Variants in TOM1L2 observed in about 807,000 individuals in gnomAD.
The protein encoded by TOM1L2 is TOM1-like protein 2.
TOM1L2 carries 31 observed loss-of-function variants against 67.9 expected under a neutral mutation model. That is an observed-to-expected ratio of 0.46 (90% CI 0.34 to 0.62). The LOEUF is 0.62. TOM1L2 is among the 20% of genes least tolerant of loss of function. The pLI is 0.01. For synonymous variants in TOM1L2, 256 were observed against 254.0 expected, an observed-to-expected ratio of 1.01 and a Z score of -0.07; for missense variants, 606 against 663.5, an observed-to-expected ratio of 0.91 and a Z score of 0.95.
rs7218054 is a variant in TOM1L2 at position 17,872,132 on chromosome 17, A to G, written c.778-2659T>C. The G allele has an allele frequency of 5.1e-3, 3,943 of 771,378 alleles. 136 individuals are homozygous for G. The African/African-American group carries it at 0.068, about 13-fold the overall frequency. 47.8% of individuals were successfully genotyped at this position (771,378 alleles called of 1,614,324 possible). A position where few individuals can be genotyped will look rare whatever the true frequency, so the allele number is the denominator to read the frequency against. ...CAAAACCCAGTCACAATTACTGTAC[A>G]CAGGAAAACCAACAACACAGGGGAA... On this transcript the variant is annotated intron_variant, in intron 7 of 14. Coordinates refer to ENST00000379504, the MANE Select transcript of TOM1L2 (RefSeq NM_001082968.2).
intron 11 of TOM1L2, 95 bp from the exon 12 acceptor site, chr17:17,861,646 C>T: frequency 1.9e-6 from 2 of 1,079,624 alleles, no homozygotes; most frequent in East Asian, 2.4e-5. Context: ...ATCCTATGGT[C>T]CTTCCTCAGA....
At chr17:17,929,839 C>T (rs2040253077) in intron 1 of TOM1L2, among the ~76,000 whole-genome samples, 1 of 152,240 alleles carries the variant, frequency 6.6e-6, no homozygotes. Flanking sequence ...ACCACTTCTG[C>T]CCTAGAGCTT....
At chr17:17,894,942 T>TACAC (rs2038481066) in intron 3 of TOM1L2, among the ~76,000 whole-genome samples, 3 of 117,180 alleles carry the variant, frequency 2.6e-5, no homozygotes, top group African/African-American at 1.3e-4. Flanking sequence ...AAAACATACA[T>TACAC]ACATACATAC....
intron 10 of TOM1L2, among the ~76,000 whole-genome samples, chr17:17,865,462 T>A (rs1234199397): frequency 6.7e-6 from 1 of 149,194 alleles, no homozygotes; most frequent in Admixed American, 6.7e-5. Context: ...CTGCAACCTC[T>A]GCTTCCCGGG....
chr17:17,940,192 CAAAAAAAA>C (rs34433429), intron 1 of TOM1L2, among the ~76,000 whole-genome samples: 746 of 32,600 alleles, frequency 0.023, 13 homozygotes, highest in East Asian at 0.19. Flanking sequence ...GACTCTATCT[CAAAAAAAA>C]AAAAAAAAAA....
At chr17:17,906,247 G>A (rs2039096387) in intron 2 of TOM1L2, among the ~76,000 whole-genome samples, 1 of 150,986 alleles carries the variant, frequency 6.6e-6, no homozygotes, top group Non-Finnish European at 1.5e-5. Flanking sequence ...TCCCACCTCA[G>A]CCTCCCAAGT....
At chr17:17,869,137 C>T in intron 8 of TOM1L2, 1 of 958,940 alleles carries the variant, frequency 1.0e-6, no homozygotes, top group South Asian at 1.7e-5. Context: ...CGTCAACTTC[C>T]TGCTGCTTCT....
chr17:17,945,288 A>T (rs9892963), intron 1 of TOM1L2, among the ~76,000 whole-genome samples: 68,870 of 146,794 alleles, frequency 0.47, 16,652 homozygotes, highest in East Asian at 0.82. Flanking sequence ...ACACACACAC[A>T]CACTCTCTCT....
At chr17:17,910,892 G>A (rs559809556) in intron 1 of TOM1L2, among the ~76,000 whole-genome samples, 2 of 152,290 alleles carry the variant, frequency 1.3e-5, no homozygotes, top group East Asian at 3.9e-4. Flanking sequence ...TGGTTGGGGA[G>A]GTAGATCATT....
chr17:17,918,007 G>A (rs191351526), intron 1 of TOM1L2, among the ~76,000 whole-genome samples: 145 of 152,126 alleles, frequency 9.5e-4, no homozygotes, highest in Non-Finnish European at 8.1e-4. Flanking sequence ...ATATATTTAT[G>A]TCTTCTTTCT....
chr17:17,940,883 T>C (rs894539240), intron 1 of TOM1L2, among the ~76,000 whole-genome samples: 2 of 152,216 alleles, frequency 1.3e-5, no homozygotes, highest in South Asian at 4.1e-4. Flanking sequence ...AAAGCCAGAC[T>C]GTCATTCGAG....
At chr17:17,895,796 T>C (rs1172768568) in intron 3 of TOM1L2, among the ~76,000 whole-genome samples, 1 of 152,200 alleles carries the variant, frequency 6.6e-6, no homozygotes, top group Non-Finnish European at 1.5e-5. Context: ...TTCCCCCCTT[T>C]GGTCCTTGAA....
intron 1 of TOM1L2, among the ~76,000 whole-genome samples, chr17:17,958,604 G>A (rs955399497): frequency 1.3e-5 from 2 of 152,182 alleles, no homozygotes; most frequent in African/African-American, 4.8e-5. Flanking sequence ...GAGGCTGTGA[G>A]CTAAATAGGA....
In TOM1L2 at chr17:17,847,506, C is replaced by T. The variant is rs540479331; in HGVS notation, c.*129G>A. On this transcript the variant is annotated 3_prime_UTR_variant, in exon 15 of 15. Coordinates refer to ENST00000379504, the MANE Select transcript of TOM1L2 (RefSeq NM_001082968.2). ...CTAGTGGGAGGCCTGGGAGCAGACA[C>T]GGTGGCATTTCCATGGAAACACAGG... 643 of 1,269,516 alleles carry T rather than the reference C, an allele frequency of 5.1e-4. No individual in the cohort carries two copies. The highest frequency in any genetic ancestry group is 6.4e-4 in the Non-Finnish European group (595 of 935,424). 78.6% of individuals were successfully genotyped at this position (1,269,516 alleles called of 1,614,324 possible).
rs574119126 is a variant in TOM1L2 at position 17,892,501 on chromosome 17, C to T, written c.366+1160G>A. On this transcript the variant is annotated intron_variant, in intron 4 of 14. Transcript: ENST00000379504. ...CTAAAACCCAGGTCTGCACACATCC[C>T]AGCTCAGAGCCCTTCGATGTCTTCC... 8.8e-4 allele frequency among the ~76,000 whole-genome samples: 134 copies of T among 152,242 alleles called. 1 individual carries two copies. Among genetic ancestry groups the T allele is most frequent in the Admixed American group, 3.4e-3 (52 of 15,290 alleles).
At chr17:17,890,193 T>C (rs1316253656) in intron 4 of TOM1L2, among the ~76,000 whole-genome samples, 3 of 152,184 alleles carry the variant, frequency 2.0e-5, no homozygotes, top group Non-Finnish European at 4.4e-5. Flanking sequence ...TGCTACTCCA[T>C]GCTCTAATGA....
chr17:17,861,404 A>G, intron 12 of TOM1L2, 72 bp downstream of exon 12: 4 of 1,465,312 alleles, frequency 2.7e-6, no homozygotes, highest in Non-Finnish European at 3.8e-6. Context: ...TGAATTACCC[A>G]GCCAGCTTTG....
chr17:17,865,517 C>CT (rs2143777501), intron 10 of TOM1L2, among the ~76,000 whole-genome samples: 2 of 151,970 alleles, frequency 1.3e-5, no homozygotes, highest in African/African-American at 4.8e-5. Flanking sequence ...GCTGGGACTA[C>CT]AGGTGCCCGC....
chr17:17,902,474 T>C (rs1475292904), intron 2 of TOM1L2, among the ~76,000 whole-genome samples: 1 of 152,254 alleles, frequency 6.6e-6, no homozygotes, highest in African/African-American at 2.4e-5. Flanking sequence ...CATGTGCCCT[T>C]CCAAGCTGTG....
Sources: allele counts gnomAD v4.1 joint callset (sites outside exome capture counted in the v4.1 genomes callset), GRCh38; gene constraint gnomAD v4.1.1; transcripts MANE v1.5; gene names NCBI Gene and HGNC (gene_info 2026-07-23, HGNC 2026-07-21).